The following FHIP1A variants were observed in gnomAD, a reference collection of about 807,000 sequenced individuals.
FHIP1A encodes the protein FHF complex subunit HOOK interacting protein 1A.
Under a neutral mutation model 88.6 loss-of-function variants are expected in FHIP1A, and 61 were observed. That is an observed-to-expected ratio of 0.69 (90% CI 0.56 to 0.85). The LOEUF is 0.85. Ranked by LOEUF, FHIP1A falls within the 40% of genes least tolerant of loss-of-function variation. The pLI is 0.00. For missense variants in FHIP1A, 1,154 were observed against 1,273.5 expected (o/e 0.91, Z 1.43); for synonymous variants, 478 against 496.0 (o/e 0.96, Z 0.48).
In FHIP1A at chr4:151,649,783, A is replaced by C; in HGVS notation, c.1742A>C (p.Asp581Ala). ...DKSQTELEWDDSYDTGISSGA... is the reference protein window; with the variant it reads ...DKSQTELEWDASYDTGISSGA... ...AGCCAGACAGAGCTGGAATGGGATG[A>C]CAGCTATGACACTGGAATCTCCTCA... is the stretch of plus-strand genomic sequence containing the variant. Residue 581 changes from aspartate (D) to alanine (A), a missense_variant, in exon 11 of 14, where the codon GAC (aspartate) becomes GCC (alanine). Transcript: ENST00000435205. 2 of 1,551,646 alleles carry C rather than the reference A, an allele frequency of 1.3e-6. No homozygotes were observed. The highest frequency in any genetic ancestry group is 1.7e-6 in the Non-Finnish European group (2 of 1,146,958).
intron 2 of FHIP1A, among the ~76,000 whole-genome samples, chr4:151,477,894 T>C (rs1729763171): frequency 6.6e-6 from 1 of 152,176 alleles, no homozygotes; most frequent in South Asian, 2.1e-4. Context: ...TGGCAAAATC[T>C]ATAATATGAA....
intron 13 of FHIP1A, among the ~76,000 whole-genome samples, chr4:151,659,396 G>T (rs1293375750): frequency 2.0e-5 from 3 of 152,166 alleles, no homozygotes; most frequent in African/African-American, 7.2e-5. Flanking sequence ...AATCTGGGAG[G>T]CCTGTTCTCA....
intron 13 of FHIP1A, among the ~76,000 whole-genome samples, chr4:151,659,901 T>A (rs1737389826): frequency 6.6e-6 from 1 of 152,250 alleles, no homozygotes; most frequent in African/African-American, 2.4e-5. Context: ...CTTGAGGCTG[T>A]TGGTCTCTGA....
At chr4:151,652,198 A>G (rs1368737626) in intron 11 of FHIP1A, among the ~76,000 whole-genome samples, 1 of 152,238 alleles carries the variant, frequency 6.6e-6, no homozygotes, top group Non-Finnish European at 1.5e-5. Flanking sequence ...ACCTTATTAA[A>G]TAACATCAAT....
chr4:151,447,601 A>G (rs1373930381), intron 1 of FHIP1A, among the ~76,000 whole-genome samples: 1 of 152,160 alleles, frequency 6.6e-6, no homozygotes, highest in African/African-American at 2.4e-5. Flanking sequence ...TATACATTTT[A>G]TGGGCTGAAT....
chr4:151,417,338 G>A (rs564409907), intron 1 of FHIP1A, among the ~76,000 whole-genome samples: 1 of 152,166 alleles, frequency 6.6e-6, no homozygotes, highest in South Asian at 2.1e-4. Flanking sequence ...TGCAGAAAGC[G>A]ACCAAGCACC....
At chr4:151,617,117 G>A (rs1329269966) in intron 7 of FHIP1A, among the ~76,000 whole-genome samples, 1 of 152,090 alleles carries the variant, frequency 6.6e-6, no homozygotes, top group Non-Finnish European at 1.5e-5. Flanking sequence ...TCAATCCCAA[G>A]CTCAACAAAA....
Position 151,589,011 on chromosome 4 carries a change from A to T in FHIP1A, c.978+85A>T, listed in dbSNP as rs1734326091. ...GGGTAAACACAGTGTAATTGATTTG[A>T]TGGTGATTTTAGCCTGATTTTTCTT... On this transcript the variant is annotated intron_variant, in intron 7 of 13. Coordinates refer to ENST00000435205, the MANE Select transcript of FHIP1A (RefSeq NM_001109977.3). 3.2e-6 allele frequency: 3 copies of T among 939,850 alleles called. No individual in the cohort carries two copies. In the East Asian group the frequency reaches 7.9e-5, roughly 25 times the overall value. 58.2% of individuals were successfully genotyped at this position (939,850 alleles called of 1,614,324 possible).
intron 3 of FHIP1A, among the ~76,000 whole-genome samples, chr4:151,492,390 G>A (rs1246396620): frequency 2.0e-5 from 3 of 151,856 alleles, no homozygotes; most frequent in Non-Finnish European, 4.4e-5. Flanking sequence ...TCAGGAGTTC[G>A]ATAACAGCCT....
At chr4:151,517,065 A>G (rs1486772353) in intron 3 of FHIP1A, among the ~76,000 whole-genome samples, 4 of 152,332 alleles carry the variant, frequency 2.6e-5, no homozygotes, top group African/African-American at 7.2e-5. Context: ...ATGTCCAACA[A>G]TGATAGACTG....
chr4:151,488,990 A>T (rs1361078651), intron 3 of FHIP1A, among the ~76,000 whole-genome samples: 2 of 152,140 alleles, frequency 1.3e-5, no homozygotes, highest in Non-Finnish European at 2.9e-5. Flanking sequence ...GCATATGGAG[A>T]CTCACATTGT....
rs1236428220 is a variant in FHIP1A at position 151,668,181 on chromosome 4, AC to A, written c.*5429del. Among the ~76,000 whole-genome samples, 1 of 152,276 alleles carries A rather than the reference AC, an allele frequency of 6.6e-6. No homozygotes were observed. The highest frequency in any genetic ancestry group is 1.9e-4 in the East Asian group (1 of 5,182). On this transcript the variant is annotated 3_prime_UTR_variant, in exon 14 of 14. Transcript: ENST00000435205. ...TAATCCATGAATATGTTTGTCTAAA[AC>A]CTGCTGAAGAGGCATGGCAGCCACT...
intron 3 of FHIP1A, among the ~76,000 whole-genome samples, chr4:151,503,093 G>A (rs1388506617): frequency 1.3e-5 from 2 of 152,132 alleles, no homozygotes; most frequent in African/African-American, 4.8e-5. Context: ...CACCACTTGC[G>A]GAGTCTAATT....
chr4:151,612,382 G>A (rs546670709), intron 7 of FHIP1A, among the ~76,000 whole-genome samples: 1 of 152,020 alleles, frequency 6.6e-6, no homozygotes, highest in South Asian at 2.1e-4. Context: ...ATATGTTTTT[G>A]TTTTTGTTTT....
intron 13 of FHIP1A, among the ~76,000 whole-genome samples, chr4:151,659,399 T>A (rs1024692113): frequency 4.6e-5 from 7 of 152,208 alleles, no homozygotes; most frequent in African/African-American, 1.4e-4. Context: ...CTGGGAGGCC[T>A]GTTCTCACTG....
chr4:151,467,379 A>G lies in FHIP1A; in HGVS notation c.-248+12571A>G, dbSNP rs539092772. Among the ~76,000 whole-genome samples, 8 of 152,308 alleles carry G rather than the reference A, an allele frequency of 5.3e-5. No homozygotes were observed. In the South Asian group the frequency reaches 1.7e-3, roughly 32 times the overall value. The stretch of plus-strand genomic sequence containing the variant: ...GGACACTTTTACACTGTCGATGGGA[A>G]TGCAAATTAGTTCAACCATTGTGGA... On this transcript the variant is annotated intron_variant, in intron 2 of 13. Transcript: ENST00000435205.
intron 6 of FHIP1A, among the ~76,000 whole-genome samples, chr4:151,588,123 C>T (rs555252525): frequency 6.6e-6 from 1 of 151,738 alleles, no homozygotes; most frequent in African/African-American, 2.4e-5. Flanking sequence ...ATTTTGACAT[C>T]GAAACCATAT....
At chr4:151,554,341 T>C (rs1436520455) in intron 3 of FHIP1A, among the ~76,000 whole-genome samples, 4 of 152,176 alleles carry the variant, frequency 2.6e-5, no homozygotes. Flanking sequence ...TTTATTCACA[T>C]TCCCACACTG....
chr4:151,586,517 T>A, intron 5 of FHIP1A, 124 bp from the exon 6 acceptor site: 2 of 748,952 alleles, frequency 2.7e-6, no homozygotes, highest in Non-Finnish European at 4.2e-6. Flanking sequence ...CTCTTATACC[T>A]TTAATACCTT....
Sources: gnomAD v4.1 joint callset for allele counts (sites outside exome capture counted in the v4.1 genomes callset) on GRCh38, gnomAD v4.1.1 for gene constraint, MANE v1.5 for transcripts, NCBI Gene and HGNC (gene_info 2026-07-23, HGNC 2026-07-21) for gene names.